Variants in PEX6 observed in about 807,000 individuals in gnomAD.
PEX6 encodes peroxisome biogenesis factor 6.
PEX6 carries 55 observed loss-of-function variants against 85.6 expected under a neutral mutation model. The ratio of observed to expected loss-of-function variants is 0.64; its 90% CI spans 0.52 to 0.80. The LOEUF is 0.80. Ranked by LOEUF, PEX6 falls within the 30% of genes least tolerant of loss-of-function variation. The pLI is 0.00. For synonymous variants in PEX6, 519 were observed against 549.1 expected (o/e 0.95, Z 0.77); for missense variants, 1,099 against 1,260.3 (o/e 0.87, Z 1.94).
Position 42,964,403 on chromosome 6 carries a change from G to A in PEX6, c.2875C>T (p.Gln959Ter), listed in dbSNP as rs1437291000. The A allele has an allele frequency of 3.7e-6, 6 of 1,613,850 alleles. No individual in the cohort carries two copies. The highest frequency in any genetic ancestry group is 5.1e-6 in the Non-Finnish European group (6 of 1,180,002). The change falls in exon 17 of 17, where the codon CAA (glutamine) becomes TAA (stop). Residue 959 changes from glutamine to a stop codon, truncating the protein, a stop_gained. Coordinates refer to ENST00000304611, the MANE Select transcript of PEX6 (RefSeq NM_000287.4). LOFTEE classifies it high-confidence loss of function. This position sits in a 1 kb window ranked among gnomAD's most constrained non-coding sequence, Gnocchi z 4.6. ...AGCTCCTGCTCACTGACTGAGGGTT[G>A]CAGCCGGGCGGCAGCCTGCAGCAAG... ...EDLLQAAARL[Q>*]PSVSEQELLR...
At position 42,964,356 on chromosome 6, in the gene PEX6, C is replaced by G; in HGVS notation, c.2922G>C (p.Gln974His). The change falls in exon 17 of 17, where the codon CAG (glutamine) becomes CAC (histidine). Residue 974 changes from glutamine to histidine, a missense_variant. Coordinates refer to ENST00000304611, the MANE Select transcript of PEX6 (RefSeq NM_000287.4). The surrounding 1 kb of genome is among the most constrained non-coding windows in gnomAD (Gnocchi z 4.6). ...EQELLRYKRI[Q>H]RKFAAC ...GCTCCTAGCAGGCAGCAAACTTGCG[C>G]TGGATGCGCTTGTACCGGAGCAGCT... is the stretch of plus-strand genomic sequence containing the variant. The G allele has an allele frequency of 6.2e-7, 1 of 1,613,826 alleles. No individual in the cohort carries two copies. Among genetic ancestry groups the G allele is most frequent in the Non-Finnish European group, 8.5e-7 (1 of 1,180,022 alleles).
chr6:42,968,491 C>G lies in PEX6; in HGVS notation c.1487G>C (p.Cys496Ser). 6.4e-7 allele frequency: 1 copy of G among 1,573,560 alleles called. No individual in the cohort carries two copies. The highest frequency in any genetic ancestry group is 8.6e-7 in the Non-Finnish European group (1 of 1,159,052). ...HLGLHLLKVPCSSLCAESSGA... is the reference protein window; with the variant it reads ...HLGLHLLKVPSSSLCAESSGA... The stretch of plus-strand genomic sequence containing the variant: ...ACTACTTTCTGCACAGAGGCTGGAG[C>G]AGGGCACCTGGGGAGGGGATCCCAA... Residue 496 changes from cysteine to serine, a missense_variant, in exon 7 of 17, where the codon TGC (cysteine) becomes TCC (serine). Transcript: ENST00000304611.
At chr6:42,966,967 G>GTTT (rs144477517) in intron 8 of PEX6, 109 bp from the exon 9 acceptor site, 474 of 474,864 alleles carry the variant, frequency 1.0e-3, no homozygotes, top group Middle Eastern at 2.8e-3. Context: ...TAGGTTTGTT[G>GTTT]TTTTTTTTTT....
At chr6:42,977,882 C>G (rs1770369597) in intron 1 of PEX6, among the ~76,000 whole-genome samples, 1 of 133,404 alleles carries the variant, frequency 7.5e-6, no homozygotes, top group South Asian at 2.5e-4. Flanking sequence ...TCACTCTTAT[C>G]GCCCAGGCTG....
Position 42,965,910 on chromosome 6 carries a change from C to A in PEX6, c.2363-121G>T, listed in dbSNP as rs1472485502. 7.6e-7 allele frequency: 1 copy of A among 1,322,044 alleles called. No homozygotes were observed. Among genetic ancestry groups the A allele is most frequent in the Non-Finnish European group, 1.1e-6 (1 of 918,452 alleles). 81.9% of individuals were successfully genotyped at this position (1,322,044 alleles called of 1,614,324 possible). A position where few individuals can be genotyped will look rare whatever the true frequency, so the allele number is the denominator to read the frequency against. On this transcript the variant is annotated intron_variant, in intron 12 of 16. Coordinates refer to ENST00000304611, the MANE Select transcript of PEX6 (RefSeq NM_000287.4). The surrounding 1 kb of genome is among the most constrained non-coding windows in gnomAD (Gnocchi z 5.0). Reference sequence around the variant, plus strand: ...CAGCACTGGCATCCCAGGTACTAGACCCAGCTGGGCAGGAACCTGACTTGT... The same window carrying A: ...CAGCACTGGCATCCCAGGTACTAGAACCAGCTGGGCAGGAACCTGACTTGT...
chr6:42,972,787 A>G (rs974065873), intron 3 of PEX6, among the ~76,000 whole-genome samples: 6 of 129,180 alleles, frequency 4.6e-5, no homozygotes, highest in Middle Eastern at 3.6e-3. Flanking sequence ...AAAAAAAAAA[A>G]AGAGAAATCC....
Position 42,978,908 on chromosome 6 carries a change from C to T in PEX6, c.243G>A (p.Leu81=). The T allele has an allele frequency of 6.7e-7, 1 of 1,487,906 alleles. No individual in the cohort carries two copies. The highest frequency in any genetic ancestry group is 1.3e-5 in the South Asian group (1 of 78,800). The allele number at this position is 1,487,906 out of a possible 1,614,324, so 92.2% of individuals were successfully genotyped here. A position where few individuals can be genotyped will look rare whatever the true frequency, so the allele number is the denominator to read the frequency against. ...CCCCGGAGCCCAGTGCCAGGAGCCG[C>T]AGCAGCGCGCGGCTAACCAGTAGCT... ...PPQLLVSRAL[L]RLLALGSGAW... Residue 81 remains leucine (L), a synonymous_variant, in exon 1 of 17, where the codon CTG becomes CTA. Transcript: ENST00000304611.
intron 3 of PEX6, 61 bp from the exon 4 acceptor site, chr6:42,970,048 A>C: frequency 2.2e-6 from 3 of 1,333,904 alleles, no homozygotes; most frequent in Non-Finnish European, 3.2e-6. Flanking sequence ...CTCCTCAAGG[A>C]CAAGGTTTCT....
Position 42,974,892 on chromosome 6 carries a change from C to G in PEX6, c.1029G>C (p.Arg343=), listed in dbSNP as rs777064297. The G allele has an allele frequency of 6.2e-7, 1 of 1,613,916 alleles. No homozygotes were observed. Among genetic ancestry groups the G allele is most frequent in the South Asian group, 1.1e-5 (1 of 91,070 alleles). Residue 343 remains arginine, a synonymous_variant, in exon 2 of 17, where the codon CGG becomes CGC. Coordinates refer to ENST00000304611, the MANE Select transcript of PEX6 (RefSeq NM_000287.4). ...TNGNYDGVLY[R]HFQIPRVVQE... ...TAGCTAACCTGGGTATCTGAAAGTG[C>G]CGGTAAAGAACACCGTCATAATTTC...
chr6:42,965,809 C>T lies in PEX6; in HGVS notation c.2363-20G>A. The T allele has an allele frequency of 6.3e-7, 1 of 1,596,890 alleles. No individual in the cohort carries two copies. Among genetic ancestry groups the T allele is most frequent in the Non-Finnish European group, 8.6e-7 (1 of 1,164,510 alleles). ...CAAACACTGAAGAGAGAGAGGGGCC[C>T]ACAGGAGGGCAAAGCTCGGCTTGTG... On this transcript the variant is annotated intron_variant, in intron 12 of 16. Coordinates refer to ENST00000304611, the MANE Select transcript of PEX6 (RefSeq NM_000287.4). The surrounding 1 kb of genome is among the most constrained non-coding windows in gnomAD (Gnocchi z 5.0).
Position 42,978,353 on chromosome 6 carries a change from G to A in PEX6, c.798C>T (p.Leu266=), listed in dbSNP as rs199536286. ...CAGGGACAAGCGCCAGTCCGTCAGC[G>A]AGGGGCTCTCCCAGCGGTCCAGAGC... is the stretch of plus-strand genomic sequence containing the variant. The part of the protein sequence containing the change: ...GPGSGPLGEP[L]ADGLALVPAT... Residue 266 remains leucine (L), a synonymous_variant, in exon 1 of 17, where the codon CTC becomes CTT. Coordinates refer to ENST00000304611, the MANE Select transcript of PEX6 (RefSeq NM_000287.4). The A allele has an allele frequency of 3.1e-6, 5 of 1,614,212 alleles. No individual in the cohort carries two copies. Among genetic ancestry groups the A allele is most frequent in the Non-Finnish European group, 3.4e-6 (4 of 1,180,044 alleles).
chr6:42,974,138 T>G, intron 2 of PEX6, 52 bp from the exon 3 acceptor site: 1 of 1,380,726 alleles, frequency 7.2e-7, no homozygotes. Context: ...AATGAGCATG[T>G]GTTCATTACC....
At chr6:42,970,047 G>T in intron 3 of PEX6, 60 bp from the exon 4 acceptor site, 1 of 1,344,390 alleles carries the variant, frequency 7.4e-7, no homozygotes, top group Non-Finnish European at 1.1e-6. Flanking sequence ...CCTCCTCAAG[G>T]ACAAGGTTTC....
intron 1 of PEX6, 139 bp from the exon 2 acceptor site, chr6:42,975,177 G>A (rs967440920): frequency 1.0e-5 from 8 of 768,198 alleles, no homozygotes; most frequent in Non-Finnish European, 1.6e-5. Context: ...GCCTGAGGTA[G>A]CAGACCTGAA....
In PEX6 at chr6:42,974,093, C is replaced by T. The variant is rs768222448; in HGVS notation, c.1047-7G>A. The T allele has an allele frequency of 3.1e-6, 5 of 1,610,900 alleles. No homozygotes were observed. The highest frequency in any genetic ancestry group is 4.2e-6 in the Non-Finnish European group (5 of 1,177,114). On this transcript the variant is annotated splice_polypyrimidine_tract_variant and splice_region_variant and intron_variant, in intron 2 of 16. Transcript: ENST00000304611. ...ATCCCCTTCCTGGACTACCCTGCAA[C>T]ACAGCAGTGGCCCTGGTCAGGTCAC...
intron 2 of PEX6, among the ~76,000 whole-genome samples, chr6:42,974,551 G>A (rs896208194): frequency 8.0e-5 from 11 of 136,752 alleles, no homozygotes; most frequent in African/African-American, 1.3e-4. Context: ...TCCACCTCCC[G>A]GGTTCACGCC....
At position 42,965,806 on chromosome 6, in the gene PEX6, G is replaced by T. The variant is rs750921726; in HGVS notation, c.2363-17C>A. 2 of 1,599,918 alleles carry T rather than the reference G, an allele frequency of 1.3e-6. No individual in the cohort carries two copies. Among genetic ancestry groups the T allele is most frequent in the Non-Finnish European group, 1.7e-6 (2 of 1,167,222 alleles). ...TGGCAAACACTGAAGAGAGAGAGGGGCCCACAGGAGGGCAAAGCTCGGCTT... is the reference window on the plus strand; with the variant it reads ...TGGCAAACACTGAAGAGAGAGAGGGTCCCACAGGAGGGCAAAGCTCGGCTT... On this transcript the variant is annotated splice_polypyrimidine_tract_variant and intron_variant, in intron 12 of 16. Transcript: ENST00000304611. The surrounding 1 kb of genome is among the most constrained non-coding windows in gnomAD (Gnocchi z 5.0).
intron 3 of PEX6, among the ~76,000 whole-genome samples, chr6:42,970,932 C>T (rs530746564): frequency 8.5e-5 from 13 of 152,154 alleles, no homozygotes; most frequent in African/African-American, 2.7e-4. Flanking sequence ...AACCTACTAA[C>T]GGGGAATAGG....
chr6:42,974,134 C>T, intron 2 of PEX6, 48 bp from the exon 3 acceptor site: 9 of 1,410,738 alleles, frequency 6.4e-6, no homozygotes, highest in Non-Finnish European at 8.0e-6. Flanking sequence ...GAGTAATGAG[C>T]ATGTGTTCAT....
Sources: gnomAD v4.1 joint callset for allele counts (sites outside exome capture counted in the v4.1 genomes callset) on GRCh38, gnomAD v4.1.1 for gene constraint, Gnocchi (gnomAD v3.1) non-coding constraint, MANE v1.5 for transcripts, NCBI Gene and HGNC (gene_info 2026-07-23, HGNC 2026-07-21) for gene names.